The following MINK1 variants were observed in gnomAD, a reference collection of about 807,000 sequenced individuals.
MINK1 encodes the protein misshapen-like kinase 1.
Under a neutral mutation model 178.4 loss-of-function variants are expected in MINK1, and 46 were observed. The observed-to-expected ratio is 0.26, with a 90% confidence interval of 0.20 to 0.33. The LOEUF is 0.33. Ranked by LOEUF, MINK1 falls within the 10% of genes least tolerant of loss-of-function variation. MINK1 has a pLI of 1.00. For missense variants in MINK1, 1,366 were observed against 1,814.9 expected, an observed-to-expected ratio of 0.75 and a Z score of 4.49; for synonymous variants, 797 against 709.7, an observed-to-expected ratio of 1.12 and a Z score of -1.96.
chr17:4,833,539 A>T lies in MINK1; in HGVS notation c.-45A>T. On this transcript the variant is annotated 5_prime_UTR_variant, in exon 1 of 32. Coordinates refer to ENST00000355280, the MANE Select transcript of MINK1 (RefSeq NM_153827.5). The surrounding 1 kb of genome is among the most constrained non-coding windows in gnomAD (Gnocchi z 4.8). ...GGCGACGGCGGCAGTGGAGTAACCG[A>T]GCCGGAGCGTGAGCGGCCCCGGTGC... is the stretch of plus-strand genomic sequence containing the variant. 6.8e-7 allele frequency: 1 copy of T among 1,461,526 alleles called. No individual in the cohort carries two copies. The allele number at this position is 1,461,526 out of a possible 1,614,324, so 90.5% of individuals were successfully genotyped here. A position where few individuals can be genotyped will look rare whatever the true frequency, so the allele number is the denominator to read the frequency against.
chr17:4,889,663 GGGAGCAGCGGAAGCTGCAGGAGAA>G lies in MINK1; in HGVS notation c.1256_1279del (p.Arg419_Gln426del). The G allele has an allele frequency of 6.4e-7, 1 of 1,564,694 alleles. No homozygotes were observed. Among genetic ancestry groups the G allele is most frequent in the Non-Finnish European group, 8.6e-7 (1 of 1,156,260 alleles). ...TCCCCACAGCAACAGCGGCGGGAGCGGGAGCAGCGGAAGCTGCAGGAGAAGGAGCAGCAGCGGCGGCTGGAGGAC... is the reference window on the plus strand; with the variant it reads ...TCCCCACAGCAACAGCGGCGGGAGCGGGAGCAGCAGCGGCGGCTGGAGGAC... On this transcript the variant is annotated inframe_deletion, in exon 13 of 32. Coordinates refer to ENST00000355280, the MANE Select transcript of MINK1 (RefSeq NM_153827.5).
chr17:4,873,088 G>T (rs938231123), intron 1 of MINK1, among the ~76,000 whole-genome samples: 2 of 152,032 alleles, frequency 1.3e-5, no homozygotes, highest in Non-Finnish European at 2.9e-5. Context: ...TGCCGCATTC[G>T]AGGCCATCAC....
chr17:4,891,203 C>G (rs1194597442), intron 15 of MINK1, 79 bp downstream of exon 15: 1 of 421,934 alleles, frequency 2.4e-6, no homozygotes, highest in Non-Finnish European at 4.1e-6. Flanking sequence ...CACGCGCGCA[C>G]ACACACACAC....
intron 1 of MINK1, chr17:4,869,019 G>A (rs1453537379): frequency 6.5e-6 from 1 of 153,930 alleles, no homozygotes. Context: ...TGCCTCCCAG[G>A]TTCACGCCAT....
chr17:4,851,600 C>A (rs924074666), intron 1 of MINK1, among the ~76,000 whole-genome samples: 1 of 152,194 alleles, frequency 6.6e-6, no homozygotes, highest in Non-Finnish European at 1.5e-5. Flanking sequence ...CTCCGAGAAG[C>A]CTTCCCTTCA....
At chr17:4,840,916 G>A (rs1910125660) in intron 1 of MINK1, among the ~76,000 whole-genome samples, 1 of 152,056 alleles carries the variant, frequency 6.6e-6, no homozygotes, top group South Asian at 2.1e-4. Flanking sequence ...AGGAGAGTTT[G>A]GTGGCACAGC....
At chr17:4,850,075 T>C (rs1280580667) in intron 1 of MINK1, among the ~76,000 whole-genome samples, 1 of 152,240 alleles carries the variant, frequency 6.6e-6, no homozygotes. Context: ...CATCAGAGTC[T>C]TTCACAGGTG....
chr17:4,860,575 G>A (rs577508765), intron 1 of MINK1, among the ~76,000 whole-genome samples: 8 of 152,204 alleles, frequency 5.3e-5, no homozygotes, highest in Non-Finnish European at 8.8e-5. Flanking sequence ...AAAGGAAAAT[G>A]TCTGTTGATG....
chr17:4,875,198 G>A (rs899441072), intron 1 of MINK1: 6 of 519,536 alleles, frequency 1.2e-5, no homozygotes, highest in Non-Finnish European at 2.3e-5. Context: ...AGACGGATGA[G>A]ATGACTTTTT....
intron 1 of MINK1, chr17:4,847,098 C>CT: frequency 2.2e-6 from 1 of 452,834 alleles, no homozygotes; most frequent in East Asian, 7.0e-5. Flanking sequence ...CCCAAATTGC[C>CT]TATCTCTAAA....
chr17:4,841,896 G>A (rs909580551), intron 1 of MINK1, among the ~76,000 whole-genome samples: 3 of 152,084 alleles, frequency 2.0e-5, no homozygotes, highest in African/African-American at 7.2e-5. Flanking sequence ...GCCTCCAGGG[G>A]GTGTTCGGAA....
At position 4,885,646 on chromosome 17, in the gene MINK1, G is replaced by T; in HGVS notation, c.639+33G>T. 6.2e-7 allele frequency: 1 copy of T among 1,612,578 alleles called. No homozygotes were observed. Among genetic ancestry groups the T allele is most frequent in the Non-Finnish European group, 8.5e-7 (1 of 1,179,092 alleles). On this transcript the variant is annotated intron_variant, in intron 7 of 31. Transcript: ENST00000355280. This position sits in a 1 kb window ranked among gnomAD's most constrained non-coding sequence, Gnocchi z 5.0. The stretch of plus-strand genomic sequence containing the variant: ...GTGGAAAGTTGGGAGCATGGGGGCT[G>T]CCAAGGGCGGGAAGCAATATGGGGA...
At chr17:4,892,052 T>C in intron 16 of MINK1, 97 bp from the exon 17 acceptor site, 1 of 1,026,216 alleles carries the variant, frequency 9.7e-7, no homozygotes, top group Non-Finnish European at 1.5e-6. Context: ...TTCTCATCCA[T>C]CAAAGTGGGG....
In MINK1 at chr17:4,895,059, C is replaced by G; in HGVS notation, c.2918-16C>G. On this transcript the variant is annotated splice_polypyrimidine_tract_variant and intron_variant, in intron 24 of 31. Transcript: ENST00000355280. The surrounding 1 kb of genome is among the most constrained non-coding windows in gnomAD (Gnocchi z 4.3). ...AAGCTGCAGCCCCTCCTCCCACCTC[C>G]TCCTCCTTCTGGCAGCCCTAGTGGG... 1 of 1,612,694 alleles carries G rather than the reference C, an allele frequency of 6.2e-7. No individual in the cohort carries two copies. The highest frequency in any genetic ancestry group is 8.5e-7 in the Non-Finnish European group (1 of 1,179,512).
rs139599129 is a variant in MINK1, at chr17:4,885,388, C to A, written c.509-95C>A. Reference sequence around the variant, plus strand: ...TGTCTGGGTCGGGCCAGGACCACAGCTGGCTCAGGCAAGTCCTGTGTGTGC... The same window carrying A: ...TGTCTGGGTCGGGCCAGGACCACAGATGGCTCAGGCAAGTCCTGTGTGTGC... On this transcript the variant is annotated intron_variant, in intron 6 of 31. Coordinates refer to ENST00000355280, the MANE Select transcript of MINK1 (RefSeq NM_153827.5). This position sits in a 1 kb window ranked among gnomAD's most constrained non-coding sequence, Gnocchi z 5.0. The A allele has an allele frequency of 3.7e-5, 56 of 1,530,796 alleles. No individual in the cohort carries two copies. In the East Asian group the frequency reaches 4.1e-4, roughly 11 times the overall value. 94.8% of individuals were successfully genotyped at this position (1,530,796 alleles called of 1,614,324 possible). A position where few individuals can be genotyped will look rare whatever the true frequency, so the allele number is the denominator to read the frequency against.
Position 4,894,248 on chromosome 17 carries a change from C to T in MINK1, c.2745C>T (p.Pro915=), listed in dbSNP as rs201660226. The T allele has an allele frequency of 8.4e-5, 135 of 1,610,364 alleles. No homozygotes were observed. The highest frequency in any genetic ancestry group is 1.8e-5 in the Non-Finnish European group (21 of 1,178,856). ...GYTNLPDVVQ[P]SHSPTENSKG... The stretch of plus-strand genomic sequence containing the variant: ...CAAACCTGCCTGACGTGGTCCAGCC[C>T]AGCCACTCACCCACCGAGAACAGCA... The change falls in exon 23 of 32, where the codon CCC becomes CCT. Residue 915 remains proline (P), a synonymous_variant. Coordinates refer to ENST00000355280, the MANE Select transcript of MINK1 (RefSeq NM_153827.5). The surrounding 1 kb of genome is among the most constrained non-coding windows in gnomAD (Gnocchi z 4.1).
intron 1 of MINK1, chr17:4,875,103 T>G (rs1454229556): frequency 1.9e-6 from 1 of 520,096 alleles, no homozygotes; most frequent in Non-Finnish European, 3.8e-6. Flanking sequence ...AGCAGTCAGT[T>G]CAGACGCCCC....
In MINK1 at chr17:4,894,148, C is replaced by T. The variant is rs551290687; in HGVS notation, c.2671-26C>T. ...CCTGTGTGTGCCCTCCTCAGCCCCA[C>T]GCCAACCCTGCCCTCTGTCCTGTAG... On this transcript the variant is annotated intron_variant, in intron 22 of 31. Transcript: ENST00000355280. This position sits in a 1 kb window ranked among gnomAD's most constrained non-coding sequence, Gnocchi z 4.1. 112 of 1,612,536 alleles carry T rather than the reference C, an allele frequency of 6.9e-5. 1 individual carries two copies. In the South Asian group the frequency reaches 9.4e-4, roughly 14 times the overall value.
At chr17:4,871,250 G>C (rs1331746224) in intron 1 of MINK1, among the ~76,000 whole-genome samples, 2 of 148,424 alleles carry the variant, frequency 1.3e-5, no homozygotes, top group African/African-American at 5.0e-5. Context: ...GGGTGCAGTG[G>C]TGCTATCATA....
Sources: gnomAD v4.1 joint callset for allele counts (sites outside exome capture counted in the v4.1 genomes callset) on GRCh38, gnomAD v4.1.1 for gene constraint, Gnocchi (gnomAD v3.1) non-coding constraint, MANE v1.5 for transcripts, NCBI Gene and HGNC (gene_info 2026-07-23, HGNC 2026-07-21) for gene names.